The following ANKRD18A variants were observed in gnomAD, a reference collection of about 807,000 sequenced individuals.
The protein encoded by ANKRD18A is ankyrin repeat domain 18A.
A neutral mutation model predicts 110.6 loss-of-function variants in ANKRD18A; 72 were observed. The ratio of observed to expected loss-of-function variants is 0.65; its 90% CI spans 0.54 to 0.79. The LOEUF is 0.79. Among genes scored for constraint, ANKRD18A ranks in the 30% least tolerant of loss-of-function variants. The pLI is 0.00. For missense variants in ANKRD18A, 934 were observed against 1,163.3 expected, an observed-to-expected ratio of 0.80 and a Z score of 2.87; for synonymous variants, 305 against 410.3, an observed-to-expected ratio of 0.74 and a Z score of 3.10.
In ANKRD18A at chr9:38,604,850, T is replaced by G. The variant is rs1022285949; in HGVS notation, c.809-1638A>C. The G allele has an allele frequency of 3.3e-5, 5 of 152,808 alleles. No homozygotes were observed. In the Admixed American group the frequency reaches 3.3e-4, roughly 10 times the overall value. The allele number at this position is 152,808 out of a possible 1,614,324, so 9.5% of individuals were successfully genotyped here. A position where few individuals can be genotyped will look rare whatever the true frequency, so the allele number is the denominator to read the frequency against. The stretch of plus-strand genomic sequence containing the variant: ...TGCTCATAAACTCTACAAAGTTCAC[T>G]CAGGTGTCCTACCTTTTGAACTTGC... On this transcript the variant is annotated intron_variant, in intron 6 of 15. Coordinates refer to ENST00000399703, the MANE Select transcript of ANKRD18A (RefSeq NM_147195.4).
At chr9:38,607,216 C>T (rs1005001294) in intron 6 of ANKRD18A, among the ~76,000 whole-genome samples, 1 of 152,082 alleles carries the variant, frequency 6.6e-6, no homozygotes, top group African/African-American at 2.4e-5. Flanking sequence ...GCCATGATGC[C>T]CAGCTAATTT....
intron 3 of ANKRD18A, among the ~76,000 whole-genome samples, chr9:38,614,243 T>G (rs1283784854): frequency 3.0e-5 from 3 of 98,734 alleles, no homozygotes; most frequent in African/African-American, 5.4e-5. Flanking sequence ...TTTTTTTTTT[T>G]GCTCTTGTTG....
chr9:38,569,443 T>C, downstream of ANKRD18A: 1 of 984,802 alleles, frequency 1.0e-6, no homozygotes. Context: ...GCCTTTCACC[T>C]AGAAAACAAT....
chr9:38,584,087 T>C (rs1054255942), intron 12 of ANKRD18A, among the ~76,000 whole-genome samples: 1 of 152,180 alleles, frequency 6.6e-6, no homozygotes, highest in African/African-American at 2.4e-5. Flanking sequence ...TGGTATTCAA[T>C]TGTGAGGTGG....
chr9:38,601,419 C>G (rs1825113421), intron 7 of ANKRD18A, among the ~76,000 whole-genome samples: 1 of 151,906 alleles, frequency 6.6e-6, no homozygotes, highest in African/African-American at 2.4e-5. Flanking sequence ...TCAAGCCATG[C>G]AAAAGTCTCA....
intron 12 of ANKRD18A, among the ~76,000 whole-genome samples, chr9:38,580,818 A>G (rs1824129291): frequency 6.6e-6 from 1 of 150,664 alleles, no homozygotes; most frequent in African/African-American, 2.4e-5. Context: ...AATAGAATGC[A>G]GTAAAAGGGA....
Position 38,612,718 on chromosome 9 carries a change from C to T in ANKRD18A, c.496-1397G>A, listed in dbSNP as rs543684751. ...ATTTTTAGTAGAGTTAGGGTTTCAC[C>T]GTGTTAGCCAGGATGGTCTCCATCT... On this transcript the variant is annotated intron_variant, in intron 3 of 15. Transcript: ENST00000399703. Among the ~76,000 whole-genome samples the T allele has an allele frequency of 5.9e-5, 9 of 152,050 alleles. No homozygotes were observed. In the South Asian group the frequency reaches 6.2e-4, roughly 11 times the overall value.
intron 8 of ANKRD18A, among the ~76,000 whole-genome samples, chr9:38,600,796 A>G (rs1208641615): frequency 1.3e-5 from 2 of 152,152 alleles, no homozygotes; most frequent in Non-Finnish European, 2.9e-5. Context: ...TCACCGTTCA[A>G]TTGCTCATCA....
chr9:38,610,652 T>C (rs1370595882), intron 4 of ANKRD18A, among the ~76,000 whole-genome samples: 2 of 152,188 alleles, frequency 1.3e-5, no homozygotes, highest in African/African-American at 4.8e-5. Context: ...CATGACGTAA[T>C]ACAAATTGCT....
At chr9:38,569,346 C>T (rs1208740372), downstream of ANKRD18A, 10 of 985,066 alleles carry the variant, frequency 1.0e-5, no homozygotes, top group East Asian at 1.1e-4. Flanking sequence ...AACCACCCAC[C>T]CGATAGCGAC....
At chr9:38,603,821 T>C (rs4878832) in intron 6 of ANKRD18A, among the ~76,000 whole-genome samples, 38,778 of 152,152 alleles carry the variant, frequency 0.25, 5,460 homozygotes, top group East Asian at 0.44. Context: ...GTTGGCTCCC[T>C]ACCCAAGAGC....
intron 8 of ANKRD18A, among the ~76,000 whole-genome samples, chr9:38,599,129 T>G (rs2118803879): frequency 6.6e-6 from 1 of 152,302 alleles, no homozygotes. Context: ...GCATGTCTGG[T>G]TTGTTATAAT....
Position 38,595,889 on chromosome 9 carries a change from T to C in ANKRD18A, c.1451A>G (p.Asn484Ser), listed in dbSNP as rs2996347. ...EQVHKARVKFNTLKGKLRETR... is the reference protein window; with the variant it reads ...EQVHKARVKFSTLKGKLRETR... ...CTCACGGAGCTTACCTTTTAAGGTATTGAACTTCACCCGAGCTTTATGGAC... is the reference window on the plus strand; with the variant it reads ...CTCACGGAGCTTACCTTTTAAGGTACTGAACTTCACCCGAGCTTTATGGAC... The change falls in exon 9 of 16, where the codon AAT becomes AGT. Residue 484 changes from asparagine to serine, a missense_variant. By Grantham distance (46) the Asn-to-Ser change is conservative (BLOSUM62 1). Coordinates refer to ENST00000399703, the MANE Select transcript of ANKRD18A (RefSeq NM_147195.4). 349,290 of 1,550,806 alleles carry C rather than the reference T, an allele frequency of 0.23. 43,515 individuals are homozygous for C. The highest frequency in any genetic ancestry group is 0.44 in the African/African-American group (32,334 of 72,964).
intron 3 of ANKRD18A, among the ~76,000 whole-genome samples, chr9:38,614,135 T>C (rs1247063423): frequency 6.6e-6 from 1 of 152,196 alleles, no homozygotes; most frequent in Non-Finnish European, 1.5e-5. Context: ...TTTAGAGATT[T>C]CTTATGTCTT....
In ANKRD18A at chr9:38,595,467, T is replaced by C. The variant is rs1000810296; in HGVS notation, c.1854+19A>G. 2.1e-6 allele frequency: 3 copies of C among 1,445,018 alleles called. No homozygotes were observed. Among genetic ancestry groups the C allele is most frequent in the Admixed American group, 3.0e-5 (1 of 33,612 alleles). The allele number at this position is 1,445,018 out of a possible 1,614,324, so 89.5% of individuals were successfully genotyped here. ...TTTAAATTTTCTTTCCAGAAGTTTA[T>C]AGTTTTCTTCATACTTACTTCTCTT... On this transcript the variant is annotated intron_variant, in intron 9 of 15. Coordinates refer to ENST00000399703, the MANE Select transcript of ANKRD18A (RefSeq NM_147195.4).
At chr9:38,591,462 G>A (rs1246366992) in intron 10 of ANKRD18A, among the ~76,000 whole-genome samples, 1 of 152,192 alleles carries the variant, frequency 6.6e-6, no homozygotes, top group East Asian at 1.9e-4. Context: ...TTAAACCAGG[G>A]ACTGACATGA....
intron 3 of ANKRD18A, among the ~76,000 whole-genome samples, chr9:38,615,123 T>C (rs1424313322): frequency 6.6e-6 from 1 of 152,248 alleles, no homozygotes; most frequent in African/African-American, 2.4e-5. Flanking sequence ...AATTTCCAAG[T>C]GACCTGCATG....
At chr9:38,570,705 C>T (rs1298947716), downstream of ANKRD18A, among the ~76,000 whole-genome samples, 12 of 152,222 alleles carry the variant, frequency 7.9e-5, no homozygotes, top group East Asian at 1.5e-3. Flanking sequence ...GCTCACAGAA[C>T]CTCCCCTCCC....
At position 38,620,593 on chromosome 9, in the gene ANKRD18A, G is replaced by A. The variant is rs148445924; in HGVS notation, c.-308C>T. ...CCTCAGCGCTCCGAACTCTCAGACC[G>A]AGTGAGTCCCCGCGATGCCAGTTAG... On this transcript the variant is annotated 5_prime_UTR_variant, in exon 1 of 16. Transcript: ENST00000399703. The A allele has an allele frequency of 2.6e-6, 2 of 778,988 alleles. No individual in the cohort carries two copies. Among genetic ancestry groups the A allele is most frequent in the Non-Finnish European group, 3.4e-6 (2 of 588,680 alleles). The allele number at this position is 778,988 out of a possible 1,614,324, so 48.3% of individuals were successfully genotyped here.
Sources: gnomAD v4.1 joint callset for allele counts (sites outside exome capture counted in the v4.1 genomes callset) on GRCh38, gnomAD v4.1.1 for gene constraint, MANE v1.5 for transcripts, NCBI Gene and HGNC (gene_info 2026-07-23, HGNC 2026-07-21) for gene names.